Variants in RBCK1 observed in about 807,000 individuals in gnomAD.
The protein encoded by RBCK1 is ranBP-type and C3HC4-type zinc finger-containing protein 1.
RBCK1 carries 44 observed loss-of-function variants against 71.1 expected under a neutral mutation model. That is an observed-to-expected ratio of 0.62 (90% CI 0.49 to 0.80). The LOEUF is 0.80. RBCK1 is among the 30% of genes least tolerant of loss of function. The pLI, the probability that RBCK1 is intolerant of heterozygous loss-of-function variation, is 0.00. For synonymous variants in RBCK1, 306 were observed against 279.7 expected (o/e 1.09, Z -0.94); for missense variants, 569 against 685.0 (o/e 0.83, Z 1.89).
At chr20:418,562 G>T (rs534376818) in intron 4 of RBCK1, among the ~76,000 whole-genome samples, 1 of 152,076 alleles carries the variant, frequency 6.6e-6, no homozygotes, top group Non-Finnish European at 1.5e-5. Context: ...TAGAGACGGG[G>T]TTTCACCGTG....
intron 6 of RBCK1, chr20:420,088 C>T: frequency 1.0e-6 from 1 of 984,314 alleles, no homozygotes; most frequent in Non-Finnish European, 1.2e-6. Flanking sequence ...CATGACCACA[C>T]CTCAGCTCGG....
intron 6 of RBCK1, 75 bp from the exon 7 acceptor site, chr20:420,796 T>A: frequency 7.6e-7 from 1 of 1,320,494 alleles, no homozygotes; most frequent in Non-Finnish European, 1.0e-6. Flanking sequence ...CCACGCCCCC[T>A]GGCCCTTCCC....
intron 8 of RBCK1, among the ~76,000 whole-genome samples, chr20:423,346 C>A (rs1042858840): frequency 6.6e-6 from 1 of 152,030 alleles, no homozygotes; most frequent in Non-Finnish European, 1.5e-5. Flanking sequence ...ACATAGTAAG[C>A]CTTTGTTGTT....
In RBCK1 at chr20:431,199, T is replaced by C. The variant is rs145900772; in HGVS notation, c.*769T>C. Among the ~76,000 whole-genome samples, 2 of 152,218 alleles carry C rather than the reference T, an allele frequency of 1.3e-5. No homozygotes were observed. Among genetic ancestry groups the C allele is most frequent in the East Asian group, 3.9e-4 (2 of 5,178 alleles). Reference sequence around the variant, plus strand: ...ACCGTCAGCCAGGACAGGTGGAGTGTGCAGTGTGTCAAGTCTGCAGAGAAG... The same window carrying C: ...ACCGTCAGCCAGGACAGGTGGAGTGCGCAGTGTGTCAAGTCTGCAGAGAAG... On this transcript the variant is annotated 3_prime_UTR_variant, in exon 12 of 12. Transcript: ENST00000356286. This position sits in a 1 kb window ranked among gnomAD's most constrained non-coding sequence, Gnocchi z 4.8.
chr20:426,981 C>A (rs991766459), intron 8 of RBCK1, among the ~76,000 whole-genome samples: 1 of 150,402 alleles, frequency 6.6e-6, no homozygotes, highest in Non-Finnish European at 1.5e-5. Flanking sequence ...GTGAGCACCA[C>A]ACCTGGTTAT....
chr20:411,527 CCAGCT>C (rs2122182982), intron 2 of RBCK1, among the ~76,000 whole-genome samples: 1 of 152,296 alleles, frequency 6.6e-6, no homozygotes, highest in Non-Finnish European at 1.5e-5. Context: ...GCCACCACGC[CCAGCT>C]AATTTTTTGT....
At chr20:418,455 G>A (rs1184041576) in intron 4 of RBCK1, among the ~76,000 whole-genome samples, 9 of 151,930 alleles carry the variant, frequency 5.9e-5, no homozygotes, top group African/African-American at 1.5e-4. Flanking sequence ...TGCAAGCTCC[G>A]ACTCCCGGGT....
chr20:417,960 C>G lies in RBCK1; in HGVS notation c.460+30C>G. The G allele has an allele frequency of 6.3e-7, 1 of 1,585,718 alleles. No homozygotes were observed. The highest frequency in any genetic ancestry group is 8.5e-7 in the Non-Finnish European group (1 of 1,171,330). ...GGCTCTGCCCTGAGCACCGCCGGACCCAGCGGGGGCCCTGGACTCACTTGA... is the reference window on the plus strand; with the variant it reads ...GGCTCTGCCCTGAGCACCGCCGGACGCAGCGGGGGCCCTGGACTCACTTGA... On this transcript the variant is annotated intron_variant, in intron 4 of 11. Coordinates refer to ENST00000356286, the MANE Select transcript of RBCK1 (RefSeq NM_031229.4). This position sits in a 1 kb window ranked among gnomAD's most constrained non-coding sequence, Gnocchi z 4.7.
rs1055508163 is a variant in RBCK1 at position 422,319 on chromosome 20, T to C, written c.1029+81T>C. The C allele has an allele frequency of 1.3e-5, 15 of 1,176,126 alleles. No homozygotes were observed. Among genetic ancestry groups the C allele is most frequent in the Non-Finnish European group, 1.5e-5 (12 of 810,450 alleles). The allele number at this position is 1,176,126 out of a possible 1,614,324, so 72.9% of individuals were successfully genotyped here. ...CCTGAGCAGGCAGCAGACATCTTTCTTTTCTTTCTTTTTTTTTTTTGGAGA... is the reference window on the plus strand; with the variant it reads ...CCTGAGCAGGCAGCAGACATCTTTCCTTTCTTTCTTTTTTTTTTTTGGAGA... On this transcript the variant is annotated intron_variant, in intron 8 of 11. Transcript: ENST00000356286. The surrounding 1 kb of genome is among the most constrained non-coding windows in gnomAD (Gnocchi z 5.0).
At position 429,052 on chromosome 20, in the gene RBCK1, C is replaced by G. The variant is rs369912362; in HGVS notation, c.1410C>G (p.Thr470=). Residue 470 remains threonine, a synonymous_variant, in exon 11 of 12, where the codon ACC becomes ACG. Coordinates refer to ENST00000356286, the MANE Select transcript of RBCK1 (RefSeq NM_031229.4). ...CDWIRCTVCH[T]EICWVTKGPR... Reference sequence around the variant, plus strand: ...GGATCCGCTGCACCGTCTGCCACACCGAGATCTGCTGGGTCACCAAGGGCC... The same window carrying G: ...GGATCCGCTGCACCGTCTGCCACACGGAGATCTGCTGGGTCACCAAGGGCC... The G allele has an allele frequency of 1.9e-6, 3 of 1,612,922 alleles. No individual in the cohort carries two copies. Among genetic ancestry groups the G allele is most frequent in the African/African-American group, 1.3e-5 (1 of 74,908 alleles).
rs769906923 is a variant in RBCK1, at chr20:420,974, C to T, written c.860C>T (p.Ser287Leu). 1.2e-5 allele frequency: 19 copies of T among 1,562,326 alleles called. No homozygotes were observed. In the Admixed American group the frequency reaches 1.7e-4, roughly 14 times the overall value. ...TEPAECPVCYSVLAPGEAVVL... is the reference protein window; with the variant it reads ...TEPAECPVCYLVLAPGEAVVL... ...CCCGCCGAGTGCCCCGTGTGCTACT[C>T]GGTGCTGGCGCCCGGCGAGGCCGTG... Residue 287 changes from serine to leucine, a missense_variant, in exon 7 of 12, where the codon TCG (serine) becomes TTG (leucine). By Grantham distance (145) the Ser-to-Leu change is moderately radical (BLOSUM62 -2). Transcript: ENST00000356286.
intron 8 of RBCK1, among the ~76,000 whole-genome samples, chr20:427,055 A>T (rs574826808): frequency 3.3e-5 from 5 of 151,942 alleles, no homozygotes; most frequent in African/African-American, 1.2e-4. Flanking sequence ...GGCTGGTCTG[A>T]AACTCTTGGC....
intron 8 of RBCK1, among the ~76,000 whole-genome samples, chr20:424,363 C>T (rs930372326): frequency 6.6e-6 from 1 of 152,088 alleles, no homozygotes; most frequent in African/African-American, 2.4e-5. Context: ...GTTCCCAGGC[C>T]AAAACATGGC....
chr20:427,531 A>G (rs773805974), intron 9 of RBCK1, 39 bp downstream of exon 9: 2 of 1,606,902 alleles, frequency 1.2e-6, no homozygotes, highest in East Asian at 2.2e-5. Flanking sequence ...AGTCACTGTC[A>G]TCTTGCCTGG....
chr20:419,440 A>G lies in RBCK1; in HGVS notation c.554A>G (p.Gln185Arg). ...PGVPQEPGRG[Q>R]PDAVPEPPPV... ...GTCCCCCAGGAACCCGGACGGGGGCAGCCAGATGCAGTGCCTGAGCCCCCA... is the reference window on the plus strand; with the variant it reads ...GTCCCCCAGGAACCCGGACGGGGGCGGCCAGATGCAGTGCCTGAGCCCCCA... Residue 185 changes from glutamine to arginine, a missense_variant, in exon 5 of 12, where the codon CAG becomes CGG. Around this residue, in one of 2 missense-constraint regions of RBCK1, gnomAD observed 358 missense variants for 375.6 expected, o/e 0.95. Coordinates refer to ENST00000356286, the MANE Select transcript of RBCK1 (RefSeq NM_031229.4). 8.1e-6 allele frequency: 13 copies of G among 1,608,542 alleles called. No individual in the cohort carries two copies. Among genetic ancestry groups the G allele is most frequent in the Non-Finnish European group, 5.9e-6 (7 of 1,177,802 alleles).
chr20:430,550 C>G lies in RBCK1; in HGVS notation c.*120C>G. On this transcript the variant is annotated 3_prime_UTR_variant, in exon 12 of 12. Transcript: ENST00000356286. This position sits in a 1 kb window ranked among gnomAD's most constrained non-coding sequence, Gnocchi z 5.6. The stretch of plus-strand genomic sequence containing the variant: ...TAGCGTTGTAGGGGCCCTGCCTGCA[C>G]TGCGGTTGTCCACGGTCACATCTGC... 1 of 980,094 alleles carries G rather than the reference C, an allele frequency of 1.0e-6. No individual in the cohort carries two copies. The highest frequency in any genetic ancestry group is 1.6e-6 in the Non-Finnish European group (1 of 642,338). The allele number at this position is 980,094 out of a possible 1,614,324, so 60.7% of individuals were successfully genotyped here.
intron 6 of RBCK1, chr20:420,308 C>A (rs1361504895): frequency 1.0e-6 from 1 of 984,804 alleles, no homozygotes; most frequent in Non-Finnish European, 1.2e-6. Flanking sequence ...GTGACACACG[C>A]ACTAATGACA....
At position 409,969 on chromosome 20, in the gene RBCK1, A is replaced by G. The variant is rs763822201; in HGVS notation, c.111A>G (p.Gln37=). 3 of 1,614,066 alleles carry G rather than the reference A, an allele frequency of 1.9e-6. No homozygotes were observed. The highest frequency in any genetic ancestry group is 1.1e-5 in the South Asian group (1 of 91,090). Residue 37 remains glutamine (Q), a synonymous_variant, in exon 2 of 12, where the codon CAA becomes CAG. Transcript: ENST00000356286. ...AMKCAIWLAE[Q]RVPLSVQLKP... ...AGTGTGCCATCTGGCTGGCAGAGCA[A>G]CGGGTGCCCCTGAGTGTGCAACTGA...
rs997469750 is a variant in RBCK1, at chr20:408,899, C to T, written c.22+120C>T. 5 of 1,195,212 alleles carry T rather than the reference C, an allele frequency of 4.2e-6. No individual in the cohort carries two copies. In the South Asian group the frequency reaches 6.9e-5, roughly 17 times the overall value. 74.0% of individuals were successfully genotyped at this position (1,195,212 alleles called of 1,614,324 possible). A position where few individuals can be genotyped will look rare whatever the true frequency, so the allele number is the denominator to read the frequency against. ...GGGCTTTAGCCTGCCCTCCCTCTAC[C>T]CTCCTCCCCATCAGTTTCCTCCTTT... is the stretch of plus-strand genomic sequence containing the variant. On this transcript the variant is annotated intron_variant, in intron 1 of 11. Coordinates refer to ENST00000356286, the MANE Select transcript of RBCK1 (RefSeq NM_031229.4).
Sources: allele counts gnomAD v4.1 joint callset (sites outside exome capture counted in the v4.1 genomes callset), GRCh38; gene constraint gnomAD v4.1.1; regional missense constraint gnomAD v4.1.1; non-coding constraint Gnocchi (gnomAD v3.1); transcripts MANE v1.5; gene names NCBI Gene and HGNC (gene_info 2026-07-23, HGNC 2026-07-21).